TSHZ2: variants seen among roughly 807,000 people sequenced by gnomAD.
TSHZ2 encodes the protein teashirt homolog 2.
A neutral mutation model predicts 74.4 loss-of-function variants in TSHZ2; 21 were observed. The observed-to-expected ratio is 0.28, with a 90% CI of 0.20 to 0.41. The LOEUF (loss-of-function observed/expected upper bound fraction) is 0.41. Ranked by LOEUF, TSHZ2 falls within the 10% of genes least tolerant of loss-of-function variation. TSHZ2 has a pLI of 1.00. For synonymous variants in TSHZ2, 540 were observed against 515.3 expected (o/e 1.05, Z -0.65); for missense variants, 1,244 against 1,293.5 (o/e 0.96, Z 0.59).
intron 1 of TSHZ2, among the ~76,000 whole-genome samples, chr20:53,150,557 G>A (rs183964549): frequency 6.6e-6 from 1 of 152,114 alleles, no homozygotes; most frequent in East Asian, 1.9e-4. Flanking sequence ...ATATTTACTA[G>A]CTGGTCCTTC....
chr20:53,019,860 C>T (rs1337020571), intron 1 of TSHZ2, among the ~76,000 whole-genome samples: 1 of 152,138 alleles, frequency 6.6e-6, no homozygotes, highest in Non-Finnish European at 1.5e-5. Flanking sequence ...TCACTCTCTT[C>T]CTGTATTAGT....
At chr20:53,193,594 G>T (rs892424516) in intron 1 of TSHZ2, among the ~76,000 whole-genome samples, 4 of 152,196 alleles carry the variant, frequency 2.6e-5, no homozygotes, top group Admixed American at 2.6e-4. Flanking sequence ...AAGGTGCCTA[G>T]AACACAGCTG....
intron 1 of TSHZ2, among the ~76,000 whole-genome samples, chr20:53,123,902 T>C (rs552569303): frequency 2.0e-5 from 3 of 152,250 alleles, no homozygotes; most frequent in Admixed American, 6.5e-5. Flanking sequence ...TTTTAAAAGG[T>C]GCTTATAAAA....
intron 2 of TSHZ2, among the ~76,000 whole-genome samples, chr20:53,460,515 A>C (rs1055739049): frequency 6.6e-6 from 1 of 152,110 alleles, no homozygotes; most frequent in Non-Finnish European, 1.5e-5. Context: ...AGCTCAGAGT[A>C]ATTTGATCGT....
At chr20:53,210,496 C>T (rs1989277711) in intron 1 of TSHZ2, among the ~76,000 whole-genome samples, 1 of 151,964 alleles carries the variant, frequency 6.6e-6, no homozygotes, top group Admixed American at 6.6e-5. Flanking sequence ...CCAACCGTTT[C>T]CACATGAATT....
At chr20:53,088,688 A>G (rs1204941276) in intron 1 of TSHZ2, among the ~76,000 whole-genome samples, 1 of 152,146 alleles carries the variant, frequency 6.6e-6, no homozygotes, top group African/African-American at 2.4e-5. Flanking sequence ...CCCCCATATG[A>G]ATTCCACTAT....
intron 2 of TSHZ2, among the ~76,000 whole-genome samples, chr20:53,453,899 T>C (rs1373686674): frequency 1.3e-5 from 2 of 151,762 alleles, no homozygotes; most frequent in African/African-American, 4.9e-5. Flanking sequence ...GTCACCATCC[T>C]AGGACCTCTT....
chr20:53,005,956 A>G (rs1330159776), intron 1 of TSHZ2, among the ~76,000 whole-genome samples: 1 of 152,238 alleles, frequency 6.6e-6, no homozygotes, highest in Non-Finnish European at 1.5e-5. Flanking sequence ...AGTTTAACAC[A>G]GAGCAGGGTG....
chr20:53,381,863 T>C (rs553742442), intron 2 of TSHZ2, among the ~76,000 whole-genome samples: 1 of 152,176 alleles, frequency 6.6e-6, no homozygotes, highest in South Asian at 2.1e-4. Context: ...CATTCCCAAA[T>C]CCACAGGGTT....
intron 1 of TSHZ2, among the ~76,000 whole-genome samples, chr20:53,116,576 C>G (rs1260897110): frequency 4.6e-5 from 7 of 152,110 alleles, no homozygotes; most frequent in African/African-American, 1.7e-4. Context: ...GCAAACTGAC[C>G]ACCTAGAAAT....
At chr20:53,024,074 G>A (rs1317516400) in intron 1 of TSHZ2, among the ~76,000 whole-genome samples, 2 of 151,302 alleles carry the variant, frequency 1.3e-5, no homozygotes, top group Non-Finnish European at 1.5e-5. Flanking sequence ...TGGGTGGGAA[G>A]GAGAAAAAGT....
At chr20:53,099,755 C>G (rs1373170840) in intron 1 of TSHZ2, among the ~76,000 whole-genome samples, 1 of 152,148 alleles carries the variant, frequency 6.6e-6, no homozygotes, top group Non-Finnish European at 1.5e-5. Context: ...CTATTCACTA[C>G]TACGACAAGA....
chr20:53,143,851 T>C (rs1038641999), intron 1 of TSHZ2, among the ~76,000 whole-genome samples: 2 of 152,174 alleles, frequency 1.3e-5, no homozygotes, highest in Non-Finnish European at 2.9e-5. Flanking sequence ...AATAGTTTAA[T>C]TCACGCAGAG....
chr20:53,434,522 T>C (rs1983969040), intron 2 of TSHZ2, among the ~76,000 whole-genome samples: 1 of 152,210 alleles, frequency 6.6e-6, no homozygotes, highest in Non-Finnish European at 1.5e-5. Context: ...GGAAGAATCA[T>C]AAGGAAGATC....
intron 2 of TSHZ2, among the ~76,000 whole-genome samples, chr20:53,438,016 G>A (rs539717651): frequency 1.0e-3 from 159 of 151,990 alleles, no homozygotes; most frequent in Middle Eastern, 6.8e-3. Flanking sequence ...ACCCAGTCTC[G>A]GGTATCCCCT....
chr20:53,156,741 C>A (rs931526751), intron 1 of TSHZ2, among the ~76,000 whole-genome samples: 1 of 152,226 alleles, frequency 6.6e-6, no homozygotes, highest in African/African-American at 2.4e-5. Flanking sequence ...GTCGTGATTT[C>A]TACACTGTGC....
rs546659813 is a variant in TSHZ2 at position 53,459,718 on chromosome 20, G to A, written c.*9-27426G>A. Among the ~76,000 whole-genome samples, 20 of 140,270 alleles carry A rather than the reference G, an allele frequency of 1.4e-4. No individual in the cohort carries two copies. The East Asian group carries it at 3.4e-3, about 24-fold the overall frequency. The allele number at this position is 140,270 out of a possible 152,430, so 92.0% of individuals were successfully genotyped here. On this transcript the variant is annotated intron_variant, in intron 2 of 2. Transcript: ENST00000371497. Reference sequence around the variant, plus strand: ...TACCGGTTGTTCTTTTCCATGTTTAGCGCTTCCTTCAGGAGCTCTTTTAGG... The same window carrying A: ...TACCGGTTGTTCTTTTCCATGTTTAACGCTTCCTTCAGGAGCTCTTTTAGG...
chr20:53,213,892 T>A (rs1400757982), intron 1 of TSHZ2, among the ~76,000 whole-genome samples: 1 of 152,112 alleles, frequency 6.6e-6, no homozygotes, highest in Non-Finnish European at 1.5e-5. Context: ...ATCTCTTGGC[T>A]CCCTTGTCTG....
intron 2 of TSHZ2, among the ~76,000 whole-genome samples, chr20:53,462,406 C>T (rs1985406755): frequency 6.6e-6 from 1 of 152,196 alleles, no homozygotes; most frequent in Non-Finnish European, 1.5e-5. Flanking sequence ...CTTAGGGCTT[C>T]AATGTAAGAA....
Sources: allele counts gnomAD v4.1 joint callset (sites outside exome capture counted in the v4.1 genomes callset), GRCh38; gene constraint gnomAD v4.1.1; transcripts MANE v1.5; gene names NCBI Gene and HGNC (gene_info 2026-07-23, HGNC 2026-07-21).